The following CACNA1C variants were observed in gnomAD, a reference collection of about 807,000 sequenced individuals.
The protein encoded by CACNA1C is voltage-dependent L-type calcium channel subunit alpha-1C.
In CACNA1C, 30 loss-of-function variants were observed where a neutral mutation model predicts 229.0. That is an observed-to-expected ratio of 0.13 (90% CI 0.10 to 0.18). CACNA1C has a LOEUF of 0.18. Among genes scored for constraint, CACNA1C ranks in the 10% least tolerant of loss-of-function variants. The probability of loss-of-function intolerance (pLI) is 1.00; values close to 1 mark genes in which losing one functional copy is unlikely to be tolerated. For synonymous variants in CACNA1C, 1,114 were observed against 1,132.5 expected, an observed-to-expected ratio of 0.98 and a Z score of 0.33; for missense variants, 1,658 against 2,845.0, an observed-to-expected ratio of 0.58 and a Z score of 9.49.
chr12:2,217,833 G>C (rs895775347), intron 3 of CACNA1C: 3 of 152,198 alleles, frequency 2.0e-5, no homozygotes, highest in Non-Finnish European at 4.4e-5. Context: ...CTGAGCCTAA[G>C]TGTCCTTATT....
At chr12:2,219,015 T>C (rs2060734843) in intron 3 of CACNA1C, among the ~76,000 whole-genome samples, 1 of 152,222 alleles carries the variant, frequency 6.6e-6, no homozygotes, top group South Asian at 2.1e-4. Context: ...ATTTGTGTGC[T>C]TGACATGTGG....
rs926071888 is a variant in CACNA1C at position 2,020,874 on chromosome 12, T to C, written c.139+49673T>C. 2.0e-5 allele frequency among the ~76,000 whole-genome samples: 3 copies of C among 152,264 alleles called. No individual in the cohort carries two copies. The East Asian group carries it at 5.8e-4, about 29-fold the overall frequency. ...GCCATGAAGAACTCATTAGCTCCTCTCAACAGATGGTGAATTAGAAAGTTC... is the reference window on the plus strand; with the variant it reads ...GCCATGAAGAACTCATTAGCTCCTCCCAACAGATGGTGAATTAGAAAGTTC... On this transcript the variant is annotated intron_variant, in intron 1 of 46. Coordinates refer to the CACNA1C transcript ENST00000682462.
chr12:2,016,266 CAAACAACAG>C (rs1416195878), intron 1 of CACNA1C, among the ~76,000 whole-genome samples: 2,375 of 152,206 alleles, frequency 0.016, 65 homozygotes, highest in African/African-American at 0.054. Context: ...CGAGTACTGT[CAAACAACAG>C]TACTCAGTAC....
chr12:2,192,411 G>A (rs566320421), intron 3 of CACNA1C, among the ~76,000 whole-genome samples: 42 of 152,080 alleles, frequency 2.8e-4, no homozygotes, highest in Non-Finnish European at 5.6e-4. Flanking sequence ...CTTCTTCTGC[G>A]CGTGGATTCC....
chr12:2,650,617 G>A (rs1331126518), intron 31 of CACNA1C, among the ~76,000 whole-genome samples: 3 of 152,198 alleles, frequency 2.0e-5, no homozygotes, highest in African/African-American at 7.2e-5. Context: ...CAAGTGGGGA[G>A]TCAGCTCATG....
chr12:2,193,290 A>G (rs1050509336), intron 3 of CACNA1C, among the ~76,000 whole-genome samples: 1 of 152,126 alleles, frequency 6.6e-6, no homozygotes, highest in Non-Finnish European at 1.5e-5. Context: ...CCCTGTCTCT[A>G]CAAAAAGTAC....
intron 29 of CACNA1C, among the ~76,000 whole-genome samples, chr12:2,621,740 C>T (rs575530645): frequency 6.6e-6 from 1 of 152,234 alleles, no homozygotes; most frequent in Admixed American, 6.5e-5. Context: ...GAATCAGAGA[C>T]GGCTCCGGGG....
chr12:2,502,019 C>T (rs576540928), intron 7 of CACNA1C, among the ~76,000 whole-genome samples: 1 of 152,362 alleles, frequency 6.6e-6, no homozygotes, highest in East Asian at 1.9e-4. Context: ...TGCTCTTTAT[C>T]TCCGTTGCCT....
intron 4 of CACNA1C, among the ~76,000 whole-genome samples, chr12:2,455,402 G>A (rs575762053): frequency 6.6e-6 from 1 of 152,312 alleles, no homozygotes; most frequent in Non-Finnish European, 1.5e-5. Context: ...AACAAGGAAT[G>A]ACAAATGTCT....
chr12:2,430,543 C>T (rs1379096551), intron 3 of CACNA1C, among the ~76,000 whole-genome samples: 2 of 151,824 alleles, frequency 1.3e-5, no homozygotes, highest in Non-Finnish European at 2.9e-5. Context: ...GCTCTCCCCA[C>T]CTGCCCACCC....
intron 18 of CACNA1C, among the ~76,000 whole-genome samples, chr12:2,587,651 A>G (rs1157002834): frequency 6.6e-6 from 1 of 152,104 alleles, no homozygotes; most frequent in Non-Finnish European, 1.5e-5. Context: ...CGGCCATCCT[A>G]GAAATGCCTC....
chr12:2,431,404 A>C (rs964090278), intron 3 of CACNA1C, among the ~76,000 whole-genome samples: 1 of 152,164 alleles, frequency 6.6e-6, no homozygotes, highest in Non-Finnish European at 1.5e-5. Flanking sequence ...AACTAAAATT[A>C]GAACCCAAGA....
intron 6 of CACNA1C, among the ~76,000 whole-genome samples, chr12:2,490,486 G>T (rs2099718331): frequency 6.6e-6 from 1 of 152,160 alleles, no homozygotes; most frequent in Non-Finnish European, 1.5e-5. Context: ...CTTTCTCTTT[G>T]TCCCGTCTCT....
chr12:2,106,389 G>A (rs2078587461), intron 1 of CACNA1C, among the ~76,000 whole-genome samples: 1 of 67,714 alleles, frequency 1.5e-5, no homozygotes, highest in African/African-American at 5.2e-5. Context: ...CCCGGGGAGG[G>A]TTTCCACCTG....
At chr12:2,172,753 CA>C (rs2096534497) in intron 3 of CACNA1C, among the ~76,000 whole-genome samples, 1 of 152,150 alleles carries the variant, frequency 6.6e-6, no homozygotes, top group South Asian at 2.1e-4. Context: ...AGATGAGGCA[CA>C]AATAAGGGAA....
Position 2,565,460 on chromosome 12 carries a change from C to T in CACNA1C, c.1509-962C>T, listed in dbSNP as rs547947939. 1.0e-4 allele frequency among the ~76,000 whole-genome samples: 13 copies of T among 124,932 alleles called. 1 individual carries two copies. Among genetic ancestry groups the T allele is most frequent in the South Asian group, 2.8e-4 (1 of 3,580 alleles). The allele number at this position is 124,932 out of a possible 152,430, so 82.0% of individuals were successfully genotyped here. A position where few individuals can be genotyped will look rare whatever the true frequency, so the allele number is the denominator to read the frequency against. ...CCGCAGTCCGGCCTGGGCGACAGAG[C>T]GAGACTCCGTCTCAGAAAAAAAAAA... is the stretch of plus-strand genomic sequence containing the variant. On this transcript the variant is annotated intron_variant, in intron 11 of 46. Transcript: ENST00000399655.
intron 9 of CACNA1C, among the ~76,000 whole-genome samples, chr12:2,546,571 A>G (rs2099881598): frequency 6.8e-6 from 1 of 147,086 alleles, no homozygotes; most frequent in African/African-American, 2.5e-5. Context: ...ATGCAGTGGC[A>G]GGTGTCTTCG....
chr12:2,329,320 T>G (rs567192971), intron 3 of CACNA1C, among the ~76,000 whole-genome samples: 8 of 152,374 alleles, frequency 5.3e-5, no homozygotes, highest in African/African-American at 1.7e-4. Context: ...TTCAAACACA[T>G]GGAACTCTGT....
At chr12:2,311,467 C>T (rs1316820275) in intron 3 of CACNA1C, among the ~76,000 whole-genome samples, 1 of 152,176 alleles carries the variant, frequency 6.6e-6, no homozygotes, top group African/African-American at 2.4e-5. Context: ...CACTTTCTCC[C>T]TTTACCTTCA....
Sources: allele counts gnomAD v4.1 joint callset (sites outside exome capture counted in the v4.1 genomes callset), GRCh38; gene constraint gnomAD v4.1.1; transcripts MANE v1.5; gene names NCBI Gene and HGNC (gene_info 2026-07-23, HGNC 2026-07-21).